The following SLC39A11 variants were observed in gnomAD, a reference collection of about 807,000 sequenced individuals.
The protein encoded by SLC39A11 is zinc transporter ZIP11.
SLC39A11 carries 33 observed loss-of-function variants against 36.1 expected under a neutral mutation model. The ratio of observed to expected loss-of-function variants is 0.91; its 90% CI spans 0.69 to 1.22. The LOEUF is 1.22. Ranked by LOEUF, SLC39A11 falls within the 50% of genes most tolerant of loss-of-function variation. The pLI is 0.00. For missense variants in SLC39A11, 432 were observed against 430.3 expected (o/e 1.00, Z -0.03); for synonymous variants, 166 against 170.3 (o/e 0.97, Z 0.20).
intron 7 of SLC39A11, among the ~76,000 whole-genome samples, chr17:72,684,919 A>G (rs2071675131): frequency 6.6e-6 from 1 of 152,140 alleles, no homozygotes; most frequent in Non-Finnish European, 1.5e-5. Context: ...GGTTCTGATG[A>G]CACGTTAAGC....
chr17:72,816,769 G>T (rs1000413292), intron 6 of SLC39A11, among the ~76,000 whole-genome samples: 1 of 152,130 alleles, frequency 6.6e-6, no homozygotes, highest in South Asian at 2.1e-4. Context: ...TTAGGGGAGC[G>T]TTCAAATAAA....
At chr17:72,955,791 C>T (rs75758674) in intron 4 of SLC39A11, among the ~76,000 whole-genome samples, 2,312 of 152,082 alleles carry the variant, frequency 0.015, 55 homozygotes, top group African/African-American at 0.053. Context: ...CAGAACATAC[C>T]GATCTAGGGT....
intron 4 of SLC39A11, among the ~76,000 whole-genome samples, chr17:73,000,740 T>C (rs2089774791): frequency 6.6e-6 from 1 of 152,240 alleles, no homozygotes; most frequent in Non-Finnish European, 1.5e-5. Flanking sequence ...ACTGAAGTTT[T>C]TTAAAATCCT....
At chr17:72,827,120 GA>G (rs2078061924) in intron 6 of SLC39A11, among the ~76,000 whole-genome samples, 1 of 152,268 alleles carries the variant, frequency 6.6e-6, no homozygotes, top group Non-Finnish European at 1.5e-5. Flanking sequence ...CTGATGAATG[GA>G]TGAACAAAAT....
intron 5 of SLC39A11, among the ~76,000 whole-genome samples, chr17:72,903,843 C>G (rs993001676): frequency 6.6e-6 from 1 of 152,182 alleles, no homozygotes; most frequent in African/African-American, 2.4e-5. Flanking sequence ...CCGGAAAACT[C>G]AACTGCCCTT....
At chr17:72,724,229 G>A (rs1034752066) in intron 7 of SLC39A11, among the ~76,000 whole-genome samples, 1 of 152,214 alleles carries the variant, frequency 6.6e-6, no homozygotes, top group East Asian at 1.9e-4. Flanking sequence ...GCCCAGGTTT[G>A]GACAAGGACT....
intron 6 of SLC39A11, among the ~76,000 whole-genome samples, chr17:72,793,498 G>A (rs376901510): frequency 6.6e-5 from 10 of 152,176 alleles, no homozygotes; most frequent in African/African-American, 2.4e-4. Flanking sequence ...ACATGTGATG[G>A]CAGATTGGAT....
intron 5 of SLC39A11, among the ~76,000 whole-genome samples, chr17:72,893,314 A>C (rs1475780030): frequency 6.6e-6 from 1 of 152,100 alleles, no homozygotes; most frequent in Admixed American, 6.6e-5. Context: ...TACAAAAATT[A>C]GCCAGGCGTG....
At chr17:72,691,652 T>C (rs2072034345) in intron 7 of SLC39A11, among the ~76,000 whole-genome samples, 1 of 152,228 alleles carries the variant, frequency 6.6e-6, no homozygotes, top group South Asian at 2.1e-4. Context: ...ATTGTGAACC[T>C]GTGGCATTTT....
intron 5 of SLC39A11, among the ~76,000 whole-genome samples, chr17:72,931,764 T>C (rs2084412762): frequency 6.6e-6 from 1 of 152,180 alleles, no homozygotes; most frequent in African/African-American, 2.4e-5. Context: ...TTGAATCCTT[T>C]CAGTGACAGG....
intron 6 of SLC39A11, among the ~76,000 whole-genome samples, chr17:72,803,028 G>A (rs980704274): frequency 8.5e-5 from 13 of 152,170 alleles, no homozygotes; most frequent in African/African-American, 3.1e-4. Flanking sequence ...TAAACCCACC[G>A]TCCTTTCTAT....
At chr17:72,746,489 A>G (rs1326977243) in intron 6 of SLC39A11, among the ~76,000 whole-genome samples, 2 of 152,060 alleles carry the variant, frequency 1.3e-5, no homozygotes, top group Non-Finnish European at 2.9e-5. Context: ...AGTGGCTCAC[A>G]CCTATAACCC....
intron 3 of SLC39A11, among the ~76,000 whole-genome samples, chr17:73,069,208 C>A (rs2060086393): frequency 6.6e-6 from 1 of 152,202 alleles, no homozygotes; most frequent in Non-Finnish European, 1.5e-5. Context: ...AGTCCTAATT[C>A]CCCAACTAGA....
At chr17:73,026,318 G>A (rs148594222) in intron 4 of SLC39A11, among the ~76,000 whole-genome samples, 32 of 152,062 alleles carry the variant, frequency 2.1e-4, no homozygotes, top group African/African-American at 7.5e-4. Context: ...GAGGTCAGGA[G>A]TTCGAGACCA....
At chr17:73,077,658 C>A (rs2060369081) in intron 3 of SLC39A11, among the ~76,000 whole-genome samples, 2 of 152,164 alleles carry the variant, frequency 1.3e-5, no homozygotes, top group African/African-American at 4.8e-5. Flanking sequence ...TAAATCATTT[C>A]TTTCTGATAA....
At chr17:72,798,683 C>G (rs2076982554) in intron 6 of SLC39A11, among the ~76,000 whole-genome samples, 1 of 151,984 alleles carries the variant, frequency 6.6e-6, no homozygotes, top group Admixed American at 6.6e-5. Context: ...CCACACCCAG[C>G]CTGTCCCACT....
chr17:72,681,533 C>T (rs943495014), intron 7 of SLC39A11, among the ~76,000 whole-genome samples: 5 of 147,464 alleles, frequency 3.4e-5, no homozygotes, highest in Non-Finnish European at 7.3e-5. Flanking sequence ...CTCTTTTGCT[C>T]CTGCTCTTCT....
At chr17:73,073,175 A>T (rs1232578420) in intron 3 of SLC39A11, among the ~76,000 whole-genome samples, 1 of 152,120 alleles carries the variant, frequency 6.6e-6, no homozygotes, top group Non-Finnish European at 1.5e-5. Flanking sequence ...GTGGGACTCC[A>T]CCCCAAAAAT....
At chr17:72,998,069 C>T (rs1054375607) in intron 4 of SLC39A11, among the ~76,000 whole-genome samples, 3 of 152,034 alleles carry the variant, frequency 2.0e-5, no homozygotes, top group Non-Finnish European at 2.9e-5. Context: ...TGTTGCACCA[C>T]GGGGTATGTA....
Sources: gnomAD v4.1 joint callset for allele counts (sites outside exome capture counted in the v4.1 genomes callset) on GRCh38, gnomAD v4.1.1 for gene constraint, MANE v1.5 for transcripts, NCBI Gene and HGNC (gene_info 2026-07-23, HGNC 2026-07-21) for gene names.